Variants in DIAPH3 observed in about 807,000 individuals in gnomAD.
DIAPH3 encodes the protein diaphanous related formin 3.
DIAPH3 carries 117 observed loss-of-function variants against 144.3 expected under a neutral mutation model. That is an observed-to-expected ratio of 0.81 (90% confidence interval 0.70 to 0.95). The LOEUF is 0.95. DIAPH3 is among the 40% of genes least tolerant of loss of function. The pLI is 0.00. For missense variants in DIAPH3, 1,421 were observed against 1,412.7 expected (o/e 1.01, Z -0.09); for synonymous variants, 519 against 488.9 (o/e 1.06, Z -0.81).
intron 27 of DIAPH3, among the ~76,000 whole-genome samples, chr13:59,769,732 T>C (rs2038026613): frequency 6.6e-6 from 1 of 152,042 alleles, no homozygotes; most frequent in Non-Finnish European, 1.5e-5. Context: ...TCCAAATTCC[T>C]TGGCCTGGTG....
intron 5 of DIAPH3, among the ~76,000 whole-genome samples, chr13:60,033,369 C>A (rs2054950995): frequency 6.6e-6 from 1 of 152,112 alleles, no homozygotes; most frequent in Non-Finnish European, 1.5e-5. Context: ...GCAATTCTTG[C>A]ATTTCTATAA....
chr13:59,943,954 G>T (rs550580759), intron 17 of DIAPH3, among the ~76,000 whole-genome samples: 1 of 152,248 alleles, frequency 6.6e-6, no homozygotes, highest in African/African-American at 2.4e-5. Context: ...GCTCATGCCT[G>T]CAAACCCAGC....
At chr13:59,763,296 G>GTA (rs34585091) in intron 27 of DIAPH3, among the ~76,000 whole-genome samples, 51,588 of 150,928 alleles carry the variant, frequency 0.34, 9,273 homozygotes, top group African/African-American at 0.44. Flanking sequence ...TCACATATAT[G>GTA]TATATACATG....
chr13:59,825,090 G>A (rs1434302012), intron 24 of DIAPH3, among the ~76,000 whole-genome samples: 3 of 151,904 alleles, frequency 2.0e-5, no homozygotes, highest in East Asian at 1.9e-4. Context: ...ACAATGTGCA[G>A]GTTAGTTACA....
At chr13:59,861,660 G>T in intron 21 of DIAPH3, 124 bp from the exon 22 acceptor site, 2 of 1,087,334 alleles carry the variant, frequency 1.8e-6, no homozygotes, top group Non-Finnish European at 2.6e-6. Context: ...AGTTGATTTC[G>T]TTTTTGAAAA....
intron 25 of DIAPH3, among the ~76,000 whole-genome samples, chr13:59,775,367 C>T (rs982261515): frequency 4.6e-5 from 7 of 152,066 alleles, no homozygotes; most frequent in Admixed American, 2.0e-4. Context: ...CTCAGCCTCC[C>T]GGGTAGCTGG....
intron 22 of DIAPH3, among the ~76,000 whole-genome samples, chr13:59,844,232 T>C (rs1239884672): frequency 4.6e-5 from 7 of 152,102 alleles, no homozygotes; most frequent in Non-Finnish European, 1.0e-4. Flanking sequence ...ATCAGGTTCT[T>C]TGAGGTCAGG....
At chr13:59,999,092 A>C (rs2052376294) in intron 9 of DIAPH3, among the ~76,000 whole-genome samples, 1 of 152,136 alleles carries the variant, frequency 6.6e-6, no homozygotes, top group South Asian at 2.1e-4. Flanking sequence ...TGAAGATTAA[A>C]GTGGTAGGTG....
At chr13:60,023,665 C>T (rs75919578) in intron 5 of DIAPH3, among the ~76,000 whole-genome samples, 2,110 of 151,700 alleles carry the variant, frequency 0.014, 61 homozygotes, top group East Asian at 0.1. Flanking sequence ...AAGTCCTGAC[C>T]TCAAGACACC....
At chr13:60,128,042 T>C (rs2059034113) in intron 2 of DIAPH3, among the ~76,000 whole-genome samples, 1 of 152,100 alleles carries the variant, frequency 6.6e-6, no homozygotes, top group Non-Finnish European at 1.5e-5. Flanking sequence ...ATATTTTTTC[T>C]GATATTCTCC....
In DIAPH3 at chr13:59,911,663, C is replaced by T. The variant is rs1052545794; in HGVS notation, c.2367+72G>A. The T allele has an allele frequency of 2.5e-5, 28 of 1,098,328 alleles. No homozygotes were observed. The Admixed American group carries it at 3.1e-4, about 12-fold the overall frequency. 68.0% of individuals were successfully genotyped at this position (1,098,328 alleles called of 1,614,324 possible). On this transcript the variant is annotated intron_variant, in intron 20 of 27. Coordinates refer to ENST00000400324, the MANE Select transcript of DIAPH3 (RefSeq NM_001042517.2). The stretch of plus-strand genomic sequence containing the variant: ...TACTCACATGCTTTTTTACATTTAG[C>T]GATATAAAAACAGTTGACAGGTTCT...
rs1175163588 is a variant in DIAPH3 at position 60,112,138 on chromosome 13, GTCTC to G, written c.258_261del (p.Glu86AspfsTer7). 2 of 1,613,954 alleles carry G rather than the reference GTCTC, an allele frequency of 1.2e-6. No individual in the cohort carries two copies. Among genetic ancestry groups the G allele is most frequent in the Admixed American group, 3.3e-5 (2 of 59,996 alleles). On this transcript the variant is annotated frameshift_variant, in exon 3 of 28. Transcript: ENST00000400324. LOFTEE classifies it high-confidence loss of function. ...GCAGTCTTCAGGTTGGGAAGTGGAG[GTCTC>G]TCTTTCTTGCTCCCTGGAATTCTTA...
In DIAPH3 at chr13:60,038,825, C is replaced by T. The variant is rs147476022; in HGVS notation, c.626+3865G>A. 3.8e-3 allele frequency among the ~76,000 whole-genome samples: 571 copies of T among 151,970 alleles called. 2 individuals are homozygous for T. Among genetic ancestry groups the T allele is most frequent in the African/African-American group, 0.012 (504 of 41,460 alleles). On this transcript the variant is annotated intron_variant, in intron 5 of 27. Transcript: ENST00000400324. ...ACGTCAAATTAAGAAAATAAAGATACCTTCTATCACTAATTTGCTATATGC... is the reference window on the plus strand; with the variant it reads ...ACGTCAAATTAAGAAAATAAAGATATCTTCTATCACTAATTTGCTATATGC...
intron 27 of DIAPH3, among the ~76,000 whole-genome samples, chr13:59,687,733 A>C (rs952046465): frequency 1.3e-4 from 20 of 152,100 alleles, no homozygotes; most frequent in Non-Finnish European, 2.9e-4. Flanking sequence ...AATGAACCAC[A>C]ATGTAGTGTA....
intron 4 of DIAPH3, among the ~76,000 whole-genome samples, chr13:60,079,199 T>C (rs1368027947): frequency 1.3e-5 from 2 of 152,080 alleles, no homozygotes; most frequent in East Asian, 1.9e-4. Context: ...GAAAACAAAG[T>C]TCACCAGAAA....
intron 2 of DIAPH3, among the ~76,000 whole-genome samples, chr13:60,118,628 T>C (rs1015335470): frequency 6.6e-6 from 1 of 152,198 alleles, no homozygotes; most frequent in African/African-American, 2.4e-5. Flanking sequence ...ACAGCTAACA[T>C]AGCTTGGCTC....
intron 25 of DIAPH3, among the ~76,000 whole-genome samples, chr13:59,789,836 G>A (rs1005560329): frequency 1.3e-5 from 2 of 152,184 alleles, no homozygotes; most frequent in African/African-American, 4.8e-5. Context: ...GATGATTAAA[G>A]CTGGCATAGT....
intron 20 of DIAPH3, among the ~76,000 whole-genome samples, chr13:59,883,522 C>T (rs1593821935): frequency 6.6e-6 from 1 of 152,234 alleles, no homozygotes; most frequent in South Asian, 2.1e-4. Context: ...TAGTAACCTG[C>T]TGACTGGGAA....
intron 25 of DIAPH3, among the ~76,000 whole-genome samples, chr13:59,798,913 G>A (rs977048159): frequency 3.3e-5 from 5 of 152,124 alleles, no homozygotes; most frequent in South Asian, 2.1e-4. Context: ...CAGAATTGTT[G>A]AGAATGGGCT....
Sources: allele counts gnomAD v4.1 joint callset (sites outside exome capture counted in the v4.1 genomes callset), GRCh38; gene constraint gnomAD v4.1.1; transcripts MANE v1.5; gene names NCBI Gene and HGNC (gene_info 2026-07-23, HGNC 2026-07-21).